UNC13C: variants seen among roughly 807,000 people sequenced by gnomAD.
UNC13C encodes unc-13 homolog C.
In UNC13C, 174 loss-of-function variants were observed where a neutral mutation model predicts 245.4. That is an observed-to-expected ratio of 0.71 (90% CI 0.63 to 0.80). The LOEUF is 0.80. UNC13C is among the 30% of genes least tolerant of loss of function. UNC13C has a pLI of 0.00. For synonymous variants in UNC13C, 992 were observed against 895.1 expected (o/e 1.11, Z -1.93); for missense variants, 2,829 against 2,602.9 (o/e 1.09, Z -1.89).
chr15:54,446,392 C>T, intron 19 of UNC13C, among the ~76,000 whole-genome samples: 1 of 152,158 alleles, frequency 6.6e-6, no homozygotes, highest in Non-Finnish European at 1.5e-5. Flanking sequence ...GGCAGTATGG[C>T]CATTTTCACG....
chr15:54,137,411 T>C (rs1304875822), intron 2 of UNC13C, among the ~76,000 whole-genome samples: 2 of 152,216 alleles, frequency 1.3e-5, no homozygotes, highest in Non-Finnish European at 2.9e-5. Flanking sequence ...GTTTGAGAAA[T>C]ACTGGTGTTA....
chr15:54,450,793 G>A (rs931245442), intron 19 of UNC13C, among the ~76,000 whole-genome samples: 5 of 152,068 alleles, frequency 3.3e-5, no homozygotes, highest in Admixed American at 6.6e-5. Flanking sequence ...CCCACTGTCC[G>A]ACAAGCCCTA....
intron 17 of UNC13C, among the ~76,000 whole-genome samples, chr15:54,374,478 A>G (rs749698672): frequency 5.9e-5 from 9 of 152,166 alleles, no homozygotes; most frequent in Non-Finnish European, 1.3e-4. Flanking sequence ...ACCTCCAGCA[A>G]GCAAACACAC....
At chr15:54,619,968 G>A (rs930991948) in intron 30 of UNC13C, among the ~76,000 whole-genome samples, 1 of 152,068 alleles carries the variant, frequency 6.6e-6, no homozygotes, top group Non-Finnish European at 1.5e-5. Flanking sequence ...AGCAATAACA[G>A]CAATGATAAT....
At chr15:54,261,458 G>T (rs147940879) in intron 8 of UNC13C, among the ~76,000 whole-genome samples, 1 of 152,336 alleles carries the variant, frequency 6.6e-6, no homozygotes, top group East Asian at 1.9e-4. Flanking sequence ...CTATCTCTGA[G>T]CTAAACAATC....
chr15:54,627,636 T>C lies in UNC13C; in HGVS notation c.*523T>C, dbSNP rs1901269921. 6.6e-6 allele frequency: 1 copy of C among 152,614 alleles called. No homozygotes were observed. Among genetic ancestry groups the C allele is most frequent in the South Asian group, 2.1e-4 (1 of 4,826 alleles). 9.5% of individuals were successfully genotyped at this position (152,614 alleles called of 1,614,324 possible). On this transcript the variant is annotated 3_prime_UTR_variant, in exon 33 of 33. Transcript: ENST00000260323. ...TGCATACACATTAAAATAGAAAAGG[T>C]GGGAAATATTTTCTGCTGACCAGTT...
At chr15:54,605,340 T>G (rs1349466186) in intron 30 of UNC13C, among the ~76,000 whole-genome samples, 1 of 151,924 alleles carries the variant, frequency 6.6e-6, no homozygotes, top group Admixed American at 6.5e-5. Context: ...CTTAATGAGG[T>G]GCTCTTCCTG....
chr15:54,595,414 C>G (rs374829377), intron 30 of UNC13C, among the ~76,000 whole-genome samples: 1 of 152,076 alleles, frequency 6.6e-6, no homozygotes, highest in Non-Finnish European at 1.5e-5. Flanking sequence ...ATGCAGCACT[C>G]AAAGTATTTG....
chr15:54,432,316 A>T, intron 19 of UNC13C, among the ~76,000 whole-genome samples: 1 of 151,626 alleles, frequency 6.6e-6, no homozygotes, highest in East Asian at 1.9e-4. Flanking sequence ...TGAGAGGGGC[A>T]TTTTGTCAGG....
intron 10 of UNC13C, among the ~76,000 whole-genome samples, chr15:54,269,991 G>C (rs1212392763): frequency 6.6e-6 from 1 of 152,128 alleles, no homozygotes; most frequent in African/African-American, 2.4e-5. Flanking sequence ...AGCTACACTT[G>C]TAATTCTTTT....
At chr15:54,229,837 A>G (rs936838193) in intron 4 of UNC13C, among the ~76,000 whole-genome samples, 1 of 152,090 alleles carries the variant, frequency 6.6e-6, no homozygotes, top group Non-Finnish European at 1.5e-5. Context: ...TTCTGAGATC[A>G]ACATTTTTAG....
intron 2 of UNC13C, among the ~76,000 whole-genome samples, chr15:54,129,535 TG>T (rs2031276621): frequency 6.6e-6 from 1 of 152,124 alleles, no homozygotes; most frequent in Non-Finnish European, 1.5e-5. Context: ...AATTTTCTAC[TG>T]ATTCAATTTC....
At chr15:54,202,601 A>G (rs1306598621) in intron 4 of UNC13C, among the ~76,000 whole-genome samples, 1 of 152,086 alleles carries the variant, frequency 6.6e-6, no homozygotes, top group Non-Finnish European at 1.5e-5. Context: ...TACTGGGATA[A>G]TTGGCAAGCC....
chr15:54,618,754 T>C (rs974073079), intron 30 of UNC13C, among the ~76,000 whole-genome samples: 8 of 152,130 alleles, frequency 5.3e-5, no homozygotes, highest in African/African-American at 2.4e-5. Flanking sequence ...AGAGTTTCAG[T>C]ACCAAAAGCA....
chr15:54,309,177 C>G (rs940174812), intron 13 of UNC13C, among the ~76,000 whole-genome samples: 2 of 151,652 alleles, frequency 1.3e-5, no homozygotes, highest in African/African-American at 4.8e-5. Context: ...TTATCTTTTA[C>G]CTTTTTTGGT....
intron 2 of UNC13C, among the ~76,000 whole-genome samples, chr15:54,031,777 A>G (rs547938976): frequency 6.6e-6 from 1 of 152,374 alleles, no homozygotes; most frequent in Admixed American, 6.5e-5. Flanking sequence ...TATTAATACA[A>G]TAAAGCTTTG....
chr15:53,909,831 T>C, the UNC13C span, among the ~76,000 whole-genome samples: 1 of 146,516 alleles, frequency 6.8e-6, no homozygotes, highest in South Asian at 2.3e-4. Flanking sequence ...ATTGCACCTG[T>C]CAGTCAAGTG....
At chr15:54,540,175 C>T (rs1242584568) in intron 26 of UNC13C, among the ~76,000 whole-genome samples, 3 of 151,758 alleles carry the variant, frequency 2.0e-5, no homozygotes, top group African/African-American at 7.3e-5. Context: ...TACAAATAAA[C>T]GTAAGATGTA....
intron 4 of UNC13C, among the ~76,000 whole-genome samples, chr15:54,188,268 A>G (rs28437443): frequency 0.11 from 17,108 of 152,206 alleles, 1,593 homozygotes; most frequent in African/African-American, 0.24. Flanking sequence ...CCAACAGCGT[A>G]AAAAGGTACA....
Sources: allele counts gnomAD v4.1 joint callset (sites outside exome capture counted in the v4.1 genomes callset), GRCh38; gene constraint gnomAD v4.1.1; transcripts MANE v1.5; gene names NCBI Gene and HGNC (gene_info 2026-07-23, HGNC 2026-07-21).